The following CNNM2 variants were observed in gnomAD, a reference collection of about 807,000 sequenced individuals.
The protein encoded by CNNM2 is cyclin and CBS domain divalent metal cation transport mediator 2, also known as metal transporter CNNM2.
Under a neutral mutation model 66.9 loss-of-function variants are expected in CNNM2, and 12 were observed. The ratio of observed to expected loss-of-function variants is 0.18; its 90% CI spans 0.11 to 0.29. CNNM2 has a LOEUF of 0.29. Among genes scored for constraint, CNNM2 ranks in the 10% least tolerant of loss-of-function variants. CNNM2 has a pLI of 1.00. For missense variants in CNNM2, 705 were observed against 1,167.7 expected (o/e 0.60, Z 5.77); for synonymous variants, 557 against 501.8 (o/e 1.11, Z -1.47).
At chr10:103,023,350 C>T (rs927468414) in intron 1 of CNNM2, among the ~76,000 whole-genome samples, 6 of 152,102 alleles carry the variant, frequency 3.9e-5, no homozygotes, top group South Asian at 2.1e-4. Context: ...GTCAGGAGTT[C>T]GAGACCAGCC....
chr10:102,934,973 A>C (rs1476852611), intron 1 of CNNM2, among the ~76,000 whole-genome samples: 1 of 151,884 alleles, frequency 6.6e-6, no homozygotes, highest in Non-Finnish European at 1.5e-5. Context: ...AGCCTGACCA[A>C]GATGGTGAAA....
intron 1 of CNNM2, among the ~76,000 whole-genome samples, chr10:102,973,938 C>A (rs560110183): frequency 2.6e-5 from 4 of 152,136 alleles, no homozygotes; most frequent in Admixed American, 2.6e-4. Flanking sequence ...CCTTTCTGCT[C>A]AGCTTCTGTC....
Position 102,918,871 on chromosome 10 carries a change from G to C in CNNM2, c.391G>C (p.Gly131Arg). 1.2e-6 allele frequency: 2 copies of C among 1,607,946 alleles called. No individual in the cohort carries two copies. Among genetic ancestry groups the C allele is most frequent in the East Asian group, 2.2e-5 (1 of 44,576 alleles). ...GCACGAGCGGCGGCGCCACAGCCCGGGGGAGCGCGGGCTGGGGGGCCCCGC... is the reference window on the plus strand; with the variant it reads ...GCACGAGCGGCGGCGCCACAGCCCGCGGGAGCGCGGGCTGGGGGGCCCCGC... ...TEHERRRHSP[G>R]ERGLGGPAPP... Residue 131 changes from glycine to arginine, a missense_variant, in exon 1 of 8, where the codon GGG (glycine) becomes CGG (arginine). Physicochemically the swap from Gly to Arg is moderately radical, Grantham distance 125. This residue lies in a region of CNNM2 where 100 missense variants were observed against 151.9 expected (regional missense o/e 0.66). Transcript: ENST00000369878. The surrounding 1 kb of genome is among the most constrained non-coding windows in gnomAD (Gnocchi z 4.1).
rs767809554 is a variant in CNNM2, at chr10:102,968,910, C to CTT, written c.1621+48829_1621+48830dup. 1.7e-3 allele frequency among the ~76,000 whole-genome samples: 171 copies of CTT among 99,674 alleles called. 2 individuals carry two copies. Among genetic ancestry groups the CTT allele is most frequent in the African/African-American group, 2.0e-3 (52 of 25,428 alleles). The allele number at this position is 99,674 out of a possible 152,430, so 65.4% of individuals were successfully genotyped here. A position where few individuals can be genotyped will look rare whatever the true frequency, so the allele number is the denominator to read the frequency against. The stretch of plus-strand genomic sequence containing the variant: ...GCCACTTGTGCCCAGCCAGTGCTGT[C>CTT]TTTTTTTTTTTTTTTTTTTTTGAGA... On this transcript the variant is annotated intron_variant, in intron 1 of 7. Transcript: ENST00000369878.
chr10:102,958,353 A>ATTT (rs1455696189), intron 1 of CNNM2, among the ~76,000 whole-genome samples: 3 of 150,622 alleles, frequency 2.0e-5, no homozygotes, highest in African/African-American at 7.3e-5. Flanking sequence ...AGTGAATATG[A>ATTT]TTTGAAGTTG....
intron 5 of CNNM2, 134 bp downstream of exon 5, chr10:103,068,856 C>T: frequency 1.6e-6 from 1 of 643,490 alleles, no homozygotes; most frequent in South Asian, 2.1e-5. Flanking sequence ...TGAAGTATAT[C>T]ATATATGCAG....
intron 2 of CNNM2, among the ~76,000 whole-genome samples, chr10:103,053,314 A>G (rs919116368): frequency 2.6e-5 from 4 of 152,148 alleles, no homozygotes; most frequent in African/African-American, 4.8e-5. Flanking sequence ...CAGGAGTTCA[A>G]TACCAGCCTG....
intron 1 of CNNM2, among the ~76,000 whole-genome samples, chr10:102,984,530 A>G (rs1202499605): frequency 6.6e-6 from 1 of 152,118 alleles, no homozygotes; most frequent in Non-Finnish European, 1.5e-5. Flanking sequence ...TTGCAGGAAA[A>G]TTTTTTGATG....
intron 5 of CNNM2, among the ~76,000 whole-genome samples, chr10:103,069,530 T>TG (rs1461818547): frequency 6.6e-6 from 1 of 152,222 alleles, no homozygotes; most frequent in Non-Finnish European, 1.5e-5. Flanking sequence ...TGCTATATAC[T>TG]GACTGCCTGT....
At chr10:103,007,607 A>G (rs188266147) in intron 1 of CNNM2, among the ~76,000 whole-genome samples, 340 of 152,236 alleles carry the variant, frequency 2.2e-3, no homozygotes, top group Non-Finnish European at 4.2e-3. Context: ...CTACTTGCAC[A>G]TCCGTTTATA....
chr10:102,930,613 T>G (rs1846030634), intron 1 of CNNM2, among the ~76,000 whole-genome samples: 2 of 152,222 alleles, frequency 1.3e-5, no homozygotes, highest in Admixed American at 1.3e-4. Context: ...TGCTTTTTGG[T>G]ATGTTCACAA....
At chr10:102,946,375 A>G (rs568449012) in intron 1 of CNNM2, among the ~76,000 whole-genome samples, 2 of 152,102 alleles carry the variant, frequency 1.3e-5, no homozygotes, top group African/African-American at 4.8e-5. Flanking sequence ...TTTAATGTAC[A>G]TATTGATTAT....
At chr10:103,040,836 T>C (rs1025477024) in intron 1 of CNNM2, among the ~76,000 whole-genome samples, 4 of 152,180 alleles carry the variant, frequency 2.6e-5, no homozygotes, top group Non-Finnish European at 4.4e-5. Context: ...TCCCGTGACA[T>C]AGTTTGTATA....
chr10:103,086,183 C>T lies in CNNM2; in HGVS notation c.*9003C>T, dbSNP rs1199590824. On this transcript the variant is annotated 3_prime_UTR_variant, in exon 8 of 8. Transcript: ENST00000369878. ...GTAGCTCCATGGTAGAGATTTCACT[C>T]TCAGGGCCTCCCAAAAGTTGTGTAT... 1 of 152,200 alleles carries T rather than the reference C, an allele frequency of 6.6e-6. No homozygotes were observed. The highest frequency in any genetic ancestry group is 6.5e-5 in the Admixed American group (1 of 15,280). 9.4% of individuals were successfully genotyped at this position (152,200 alleles called of 1,614,324 possible). A position where few individuals can be genotyped will look rare whatever the true frequency, so the allele number is the denominator to read the frequency against.
chr10:103,062,430 A>T (rs1286027405), intron 4 of CNNM2, among the ~76,000 whole-genome samples: 1 of 152,220 alleles, frequency 6.6e-6, no homozygotes, highest in Non-Finnish European at 1.5e-5. Context: ...ACGGATCCTT[A>T]ATCTTGAGTC....
At chr10:103,050,625 G>C (rs1405034006) in intron 2 of CNNM2, among the ~76,000 whole-genome samples, 1 of 152,170 alleles carries the variant, frequency 6.6e-6, no homozygotes, top group African/African-American at 2.4e-5. Flanking sequence ...TGGGTCAGGG[G>C]TGGAGGTGAG....
chr10:102,989,030 G>A (rs181234617), intron 1 of CNNM2, among the ~76,000 whole-genome samples: 1 of 152,194 alleles, frequency 6.6e-6, no homozygotes, highest in Non-Finnish European at 1.5e-5. Flanking sequence ...ACACAGGCTT[G>A]TATGATTTGA....
intron 4 of CNNM2, among the ~76,000 whole-genome samples, chr10:103,066,086 C>T (rs912780434): frequency 5.3e-5 from 8 of 152,150 alleles, no homozygotes; most frequent in Non-Finnish European, 7.4e-5. Context: ...TGATTGCTCC[C>T]GGCGGCCTTG....
intron 1 of CNNM2, among the ~76,000 whole-genome samples, chr10:102,940,878 C>T (rs1000143073): frequency 4.6e-5 from 7 of 152,072 alleles, no homozygotes; most frequent in Non-Finnish European, 5.9e-5. Context: ...CCTGCCATCA[C>T]GCCTGGCCAA....
Sources: allele counts gnomAD v4.1 joint callset (sites outside exome capture counted in the v4.1 genomes callset), GRCh38; gene constraint gnomAD v4.1.1; regional missense constraint gnomAD v4.1.1; non-coding constraint Gnocchi (gnomAD v3.1); transcripts MANE v1.5; gene names NCBI Gene and HGNC (gene_info 2026-07-23, HGNC 2026-07-21).